GALNT13: variants seen among roughly 807,000 people sequenced by gnomAD.
GALNT13 encodes the protein UDP-GalNAc:polypeptide N-acetylgalactosaminyltransferase 13.
A neutral mutation model predicts 64.2 loss-of-function variants in GALNT13; 28 were observed. The ratio of observed to expected loss-of-function variants is 0.44; its 90% CI spans 0.32 to 0.60. The LOEUF (loss-of-function observed/expected upper bound fraction) is 0.60, where lower values mean the gene tolerates loss of function less well. GALNT13 is among the 20% of genes least tolerant of loss of function. The probability of loss-of-function intolerance (pLI) is 0.05; values close to 1 mark genes in which losing one functional copy is unlikely to be tolerated. For synonymous variants in GALNT13, 214 were observed against 224.6 expected (o/e 0.95, Z 0.42); for missense variants, 577 against 669.8 (o/e 0.86, Z 1.53).
intron 3 of GALNT13, among the ~76,000 whole-genome samples, chr2:154,009,174 T>A (rs1388805878): frequency 6.6e-6 from 1 of 151,706 alleles, no homozygotes; most frequent in African/African-American, 2.4e-5. Flanking sequence ...TGCTTCTTTT[T>A]TTTTCTTTTC....
intron 2 of GALNT13, chr2:153,926,212 A>G (rs1239471380): frequency 1.3e-5 from 2 of 152,072 alleles, no homozygotes; most frequent in Non-Finnish European, 2.9e-5. Context: ...GGGTCCAAGT[A>G]TATGTTTTCA....
chr2:153,633,126 T>C, the GALNT13 span, among the ~76,000 whole-genome samples: 4 of 152,168 alleles, frequency 2.6e-5, no homozygotes, highest in Non-Finnish European at 5.9e-5. Context: ...TTTGTTCCTT[T>C]ATACCTATAC....
At chr2:153,842,722 TAAC>T in the GALNT13 span, among the ~76,000 whole-genome samples, 3 of 42,714 alleles carry the variant, frequency 7.0e-5, no homozygotes, top group African/African-American at 1.7e-4. Flanking sequence ...TACAAAAGGA[TAAC>T]ACACACACAC....
the GALNT13 span, among the ~76,000 whole-genome samples, chr2:153,378,831 C>T: frequency 5.8e-4 from 89 of 152,160 alleles, no homozygotes; most frequent in Non-Finnish European, 1.0e-3. Context: ...AACTTGTACC[C>T]GCTTAAATAA....
intron 3 of GALNT13, among the ~76,000 whole-genome samples, chr2:153,981,099 G>A (rs1694429880): frequency 6.6e-6 from 1 of 152,012 alleles, no homozygotes; most frequent in Admixed American, 6.6e-5. Flanking sequence ...AGCCATGAAA[G>A]GCAACTATCA....
At chr2:153,625,932 T>G in the GALNT13 span, among the ~76,000 whole-genome samples, 3 of 152,086 alleles carry the variant, frequency 2.0e-5, no homozygotes, top group African/African-American at 7.2e-5. Flanking sequence ...AATGTTGAGT[T>G]GTTCAAAACT....
the GALNT13 span, among the ~76,000 whole-genome samples, chr2:153,683,582 T>C: frequency 1.3e-5 from 2 of 151,668 alleles, no homozygotes; most frequent in African/African-American, 4.8e-5. Flanking sequence ...TTCTTAAGTG[T>C]TAGATATCTA....
At chr2:154,054,843 C>A (rs1403263246) in intron 3 of GALNT13, among the ~76,000 whole-genome samples, 2 of 151,814 alleles carry the variant, frequency 1.3e-5, no homozygotes, top group East Asian at 1.9e-4. Flanking sequence ...AAATTATATT[C>A]ATAATAAAAT....
At chr2:153,978,212 G>A (rs551108479) in intron 3 of GALNT13, among the ~76,000 whole-genome samples, 22 of 152,008 alleles carry the variant, frequency 1.4e-4, no homozygotes, top group Non-Finnish European at 2.9e-4. Context: ...AGGTCCTCAG[G>A]GTCAGAAACT....
At chr2:154,295,800 G>C (rs1361191819) in intron 8 of GALNT13, among the ~76,000 whole-genome samples, 1 of 152,122 alleles carries the variant, frequency 6.6e-6, no homozygotes, top group African/African-American at 2.4e-5. Context: ...GGGGTTTGTG[G>C]GTTGCCTTCC....
the GALNT13 span, among the ~76,000 whole-genome samples, chr2:153,531,018 A>C: frequency 6.6e-6 from 1 of 152,230 alleles, no homozygotes; most frequent in Non-Finnish European, 1.5e-5. Flanking sequence ...ACAGGCAACC[A>C]ATGCAAAAAT....
chr2:154,031,443 A>G (rs879550239), intron 3 of GALNT13, among the ~76,000 whole-genome samples: 1 of 152,058 alleles, frequency 6.6e-6, no homozygotes, highest in East Asian at 1.9e-4. Flanking sequence ...TAGTCTAAAC[A>G]CATTAATTTA....
the GALNT13 span, among the ~76,000 whole-genome samples, chr2:153,778,741 A>C: frequency 6.6e-6 from 1 of 152,218 alleles, no homozygotes; most frequent in Non-Finnish European, 1.5e-5. Flanking sequence ...AAACTTTTTA[A>C]AAAATTTGTA....
intron 11 of GALNT13, among the ~76,000 whole-genome samples, chr2:154,414,344 C>T (rs1017000228): frequency 9.9e-5 from 15 of 152,006 alleles, no homozygotes; most frequent in East Asian, 3.9e-4. Flanking sequence ...ATTTTACTTA[C>T]GAATGTAATG....
chr2:154,164,897 G>T (rs1291304009), intron 4 of GALNT13, among the ~76,000 whole-genome samples: 1 of 152,096 alleles, frequency 6.6e-6, no homozygotes, highest in African/African-American at 2.4e-5. Flanking sequence ...GAGGACAGCA[G>T]TTGGGTCTTG....
At chr2:154,137,583 A>G (rs956223593) in intron 3 of GALNT13, among the ~76,000 whole-genome samples, 3 of 152,112 alleles carry the variant, frequency 2.0e-5, no homozygotes, top group African/African-American at 7.2e-5. Flanking sequence ...TGACAAAACT[A>G]TAACTTACAT....
At chr2:153,722,591 A>G in the GALNT13 span, among the ~76,000 whole-genome samples, 1 of 151,972 alleles carries the variant, frequency 6.6e-6, no homozygotes. Flanking sequence ...AGAAGAATCA[A>G]ATAGACACAA....
At chr2:154,171,335 C>G (rs142118199) in intron 4 of GALNT13, among the ~76,000 whole-genome samples, 50 of 152,230 alleles carry the variant, frequency 3.3e-4, no homozygotes, top group African/African-American at 1.1e-3. Context: ...TGCCTTCTAC[C>G]TACTCCACCA....
Position 154,408,983 on chromosome 2 carries a change from G to A in GALNT13, c.1297-1G>A. The A allele has an allele frequency of 6.3e-7, 1 of 1,596,456 alleles. No individual in the cohort carries two copies. The highest frequency in any genetic ancestry group is 8.6e-7 in the Non-Finnish European group (1 of 1,165,404). On this transcript the variant is annotated splice_acceptor_variant, in intron 10 of 12. Transcript: ENST00000392825. LOFTEE classifies it high-confidence loss of function. ...CCCCCCCTTTTGTGTGTTTCCTTTA[G>A]ATAAGAAATGTTGAAACCAATCAGT...
Sources: allele counts gnomAD v4.1 joint callset (sites outside exome capture counted in the v4.1 genomes callset), GRCh38; gene constraint gnomAD v4.1.1; transcripts MANE v1.5; gene names NCBI Gene and HGNC (gene_info 2026-07-23, HGNC 2026-07-21).